The following ADAMTS18 variants were observed in gnomAD, a reference collection of about 807,000 sequenced individuals.
ADAMTS18 encodes the protein A disintegrin and metalloproteinase with thrombospondin motifs 18.
Under a neutral mutation model 165.9 loss-of-function variants are expected in ADAMTS18, and 157 were observed. That is an observed-to-expected ratio of 0.95 (90% CI 0.83 to 1.08). The LOEUF (loss-of-function observed/expected upper bound fraction) is 1.08, where lower values mean the gene tolerates loss of function less well. Ranked by LOEUF, ADAMTS18 falls within the 50% of genes least tolerant of loss-of-function variation. The pLI is 0.00. For missense variants in ADAMTS18, 2,040 were observed against 1,534.0 expected (o/e 1.33, Z -5.51); for synonymous variants, 782 against 578.2 (o/e 1.35, Z -5.06).
At chr16:77,326,510 G>C (rs1249481045) in intron 12 of ADAMTS18, among the ~76,000 whole-genome samples, 2 of 152,060 alleles carry the variant, frequency 1.3e-5, no homozygotes, top group African/African-American at 4.8e-5. Flanking sequence ...AGCCTCCCAA[G>C]TAGCTGGGAC....
chr16:77,405,919 G>C (rs939722552), intron 3 of ADAMTS18, among the ~76,000 whole-genome samples: 3 of 151,986 alleles, frequency 2.0e-5, no homozygotes, highest in Non-Finnish European at 4.4e-5. Context: ...TATCAGGGTT[G>C]GAAGATGAGA....
At chr16:77,346,277 G>A (rs921105908) in intron 10 of ADAMTS18, among the ~76,000 whole-genome samples, 3 of 151,968 alleles carry the variant, frequency 2.0e-5, no homozygotes, top group Non-Finnish European at 2.9e-5. Flanking sequence ...ATTGTGTTTT[G>A]TTTTCTCCCC....
chr16:77,373,597 C>G (rs1489124888), intron 3 of ADAMTS18, among the ~76,000 whole-genome samples: 1 of 151,856 alleles, frequency 6.6e-6, no homozygotes, highest in Non-Finnish European at 1.5e-5. Flanking sequence ...TAAAAGTGTA[C>G]AAATTGGGTG....
chr16:77,370,402 A>G (rs2056859831), intron 3 of ADAMTS18, among the ~76,000 whole-genome samples: 1 of 152,210 alleles, frequency 6.6e-6, no homozygotes. Context: ...GCAAAAATCA[A>G]CACAAAACAT....
At chr16:77,393,289 G>A (rs969218853) in intron 3 of ADAMTS18, among the ~76,000 whole-genome samples, 1 of 152,118 alleles carries the variant, frequency 6.6e-6, no homozygotes, top group Non-Finnish European at 1.5e-5. Context: ...CTAATACTGT[G>A]GTCTCAACAT....
intron 13 of ADAMTS18, 116 bp downstream of exon 13, chr16:77,325,750 G>C (rs1370287220): frequency 1.2e-5 from 13 of 1,063,638 alleles, no homozygotes; most frequent in Non-Finnish European, 1.8e-5. Context: ...GATGGGTCTG[G>C]GGAGTGAAAG....
rs747391438 is a variant in ADAMTS18 at position 77,353,755 on chromosome 16, A to G, written c.1592T>C (p.Leu531Ser). 6.2e-7 allele frequency: 1 copy of G among 1,614,218 alleles called. No individual in the cohort carries two copies. The highest frequency in any genetic ancestry group is 1.1e-5 in the South Asian group (1 of 91,088). The change falls in exon 10 of 23, where the codon TTA (leucine) becomes TCA (serine). Residue 531 changes from leucine (L) to serine (S), a missense_variant. Coordinates refer to ENST00000282849, the MANE Select transcript of ADAMTS18 (RefSeq NM_199355.4). ...CKWQFGAKAK[L>S]CSLGFVKDIC... is the part of the protein sequence containing the mutation. ...TACCTTCACAAAACCAAGGCTGCAT[A>G]ACTTGGCTTTTGCTCCAAATTGCCA... is the stretch of plus-strand genomic sequence containing the variant.
In ADAMTS18 at chr16:77,434,455, G is replaced by A. The variant is rs963169869; in HGVS notation, c.141C>T (p.Ala47=). ...LCCASVAAAL[A]SDSSSGASGL... ...CGCTGGCGCCGCTGCTGCTGTCACT[G>A]GCTAAGGCCGCGGCGACCGACGCAC... Residue 47 remains alanine (A), a synonymous_variant, in exon 2 of 23, where the codon GCC becomes GCT. Coordinates refer to ENST00000282849, the MANE Select transcript of ADAMTS18 (RefSeq NM_199355.4). The A allele has an allele frequency of 6.4e-7, 1 of 1,573,708 alleles. No individual in the cohort carries two copies.
chr16:77,396,843 G>C lies in ADAMTS18; in HGVS notation c.496-29120C>G, dbSNP rs1166770047. On this transcript the variant is annotated intron_variant, in intron 3 of 22. Coordinates refer to ENST00000282849, the MANE Select transcript of ADAMTS18 (RefSeq NM_199355.4). ...ATTTTTTGAGACACAGTCTCACCCT[G>C]TCTCCCAGGCTGCAGTGCAGTGGCA... Among the ~76,000 whole-genome samples, 3 of 146,906 alleles carry C rather than the reference G, an allele frequency of 2.0e-5. No individual in the cohort carries two copies. In the East Asian group the frequency reaches 6.0e-4, roughly 29 times the overall value.
chr16:77,412,738 G>A (rs995525371), intron 3 of ADAMTS18, among the ~76,000 whole-genome samples: 1 of 152,084 alleles, frequency 6.6e-6, no homozygotes, highest in Non-Finnish European at 1.5e-5. Context: ...GATCACATGA[G>A]ACTTATTCAC....
At chr16:77,400,009 A>G (rs1453529929) in intron 3 of ADAMTS18, among the ~76,000 whole-genome samples, 1 of 152,216 alleles carries the variant, frequency 6.6e-6, no homozygotes, top group Non-Finnish European at 1.5e-5. Context: ...AAGGCTTTCA[A>G]GGATCAAGAA....
At chr16:77,350,730 G>C (rs982012817) in intron 10 of ADAMTS18, among the ~76,000 whole-genome samples, 1 of 152,164 alleles carries the variant, frequency 6.6e-6, no homozygotes, top group African/African-American at 2.4e-5. Context: ...GCTTTTGTTA[G>C]AATATGGGTT....
chr16:77,335,675 A>G (rs974434721), intron 12 of ADAMTS18, 81 bp downstream of exon 12: 20 of 1,537,250 alleles, frequency 1.3e-5, no homozygotes, highest in East Asian at 6.7e-5. Context: ...AAATAAACTT[A>G]AAGTATGAAC....
chr16:77,396,391 C>A (rs1421473304), intron 3 of ADAMTS18, among the ~76,000 whole-genome samples: 1 of 152,150 alleles, frequency 6.6e-6, no homozygotes, highest in East Asian at 1.9e-4. Flanking sequence ...AGCCTTTCTA[C>A]AAAAAATATG....
At chr16:77,337,191 G>A (rs1317222766) in intron 11 of ADAMTS18, among the ~76,000 whole-genome samples, 1 of 152,116 alleles carries the variant, frequency 6.6e-6, no homozygotes, top group African/African-American at 2.4e-5. Context: ...ACACTATTGA[G>A]AAGTTTTTGG....
At chr16:77,327,801 C>A (rs995224966) in intron 12 of ADAMTS18, among the ~76,000 whole-genome samples, 1 of 152,168 alleles carries the variant, frequency 6.6e-6, no homozygotes, top group African/African-American at 2.4e-5. Context: ...CAGCTTTCTC[C>A]CATTTCCTAA....
Position 77,387,668 on chromosome 16 carries a change from G to GA in ADAMTS18, c.496-19946dup, listed in dbSNP as rs142880861. ...CAGTGGCTTGTCATGATCACATTAA[G>GA]AAAATCAGCAGCTGGATGTTGAGTT... On this transcript the variant is annotated intron_variant, in intron 3 of 22. Transcript: ENST00000282849. Among the ~76,000 whole-genome samples the GA allele has an allele frequency of 1.7e-4, 26 of 152,294 alleles. No individual in the cohort carries two copies. The East Asian group carries it at 5.0e-3, about 30-fold the overall frequency.
rs756751484 is a variant in ADAMTS18 at position 77,283,748 on chromosome 16, TTTCAAGTGC to T, written c.*199_*207del. On this transcript the variant is annotated 3_prime_UTR_variant, in exon 23 of 23. Transcript: ENST00000282849. ...AGTCAGATTTGTCATCGCTTCCCAT[TTTCAAGTGC>T]TTCAGAGTACCACGTGCTTCAGGGA... 1.9e-4 allele frequency: 105 copies of T among 565,768 alleles called. No homozygotes were observed. The highest frequency in any genetic ancestry group is 4.8e-4 in the Middle Eastern group (1 of 2,074). The allele number at this position is 565,768 out of a possible 1,614,324, so 35.0% of individuals were successfully genotyped here.
At chr16:77,384,449 A>G (rs1189887245) in intron 3 of ADAMTS18, among the ~76,000 whole-genome samples, 2 of 152,184 alleles carry the variant, frequency 1.3e-5, no homozygotes, top group Admixed American at 6.5e-5. Context: ...TAGAACTCAG[A>G]AGGTACTGGC....
Sources: allele counts gnomAD v4.1 joint callset (sites outside exome capture counted in the v4.1 genomes callset), GRCh38; gene constraint gnomAD v4.1.1; transcripts MANE v1.5; gene names NCBI Gene and HGNC (gene_info 2026-07-23, HGNC 2026-07-21).